Variants in DIP2B observed in about 807,000 individuals in gnomAD.
DIP2B encodes DIP2 acetate--CoA ligase B (putative).
Under a neutral mutation model 198.0 loss-of-function variants are expected in DIP2B, and 76 were observed. That is an observed-to-expected ratio of 0.38 (90% CI 0.32 to 0.46). DIP2B has a LOEUF of 0.46. DIP2B is among the 20% of genes least tolerant of loss of function. DIP2B has a pLI of 0.99. For missense variants in DIP2B, 1,559 were observed against 1,978.4 expected (o/e 0.79, Z 4.02); for synonymous variants, 701 against 739.1 (o/e 0.95, Z 0.84).
chr12:50,693,028 T>A lies in DIP2B; in HGVS notation c.1719+15T>A, dbSNP rs1276681108. The A allele has an allele frequency of 1.2e-6, 2 of 1,607,004 alleles. No homozygotes were observed. The highest frequency in any genetic ancestry group is 3.5e-5 in the Admixed American group (2 of 57,662). ...GCATGTTTGCGGTAAGCTACTCAGA[T>A]TTAAGGCCCTTAGTGTAAATTGTGC... On this transcript the variant is annotated intron_variant, in intron 14 of 37. Transcript: ENST00000301180.
chr12:50,523,191 T>G (rs772646109), intron 1 of DIP2B, among the ~76,000 whole-genome samples: 24 of 152,216 alleles, frequency 1.6e-4, no homozygotes, highest in Admixed American at 9.8e-4. Flanking sequence ...GGTGCTCAAG[T>G]CTGCTAAAAA....
chr12:50,533,258 C>T (rs1394958888), intron 1 of DIP2B, among the ~76,000 whole-genome samples: 1 of 152,342 alleles, frequency 6.6e-6, no homozygotes, highest in East Asian at 1.9e-4. Context: ...ACATATTTCT[C>T]ATGACCTTTC....
At chr12:50,713,675 A>T (rs1351513078) in intron 22 of DIP2B, among the ~76,000 whole-genome samples, 1 of 152,234 alleles carries the variant, frequency 6.6e-6, no homozygotes, top group Non-Finnish European at 1.5e-5. Context: ...TGTTGTGTTC[A>T]TAATAAAAAT....
intron 5 of DIP2B, among the ~76,000 whole-genome samples, chr12:50,673,018 A>T (rs912330732): frequency 3.3e-5 from 5 of 152,170 alleles, no homozygotes; most frequent in Non-Finnish European, 5.9e-5. Context: ...TATTATAAAA[A>T]CTATTGGATT....
chr12:50,616,631 G>A (rs766722693), intron 1 of DIP2B, among the ~76,000 whole-genome samples: 4 of 152,170 alleles, frequency 2.6e-5, no homozygotes. Flanking sequence ...AACAGCAAGA[G>A]AAATAGGGGA....
intron 1 of DIP2B, among the ~76,000 whole-genome samples, chr12:50,576,694 G>A (rs1355563103): frequency 2.6e-5 from 4 of 151,716 alleles, no homozygotes; most frequent in Non-Finnish European, 5.9e-5. Context: ...TGTTAGCCAG[G>A]ATGGTCTCGA....
intron 3 of DIP2B, among the ~76,000 whole-genome samples, chr12:50,650,433 G>C (rs1938434232): frequency 6.6e-6 from 1 of 152,112 alleles, no homozygotes; most frequent in African/African-American, 2.4e-5. Context: ...TCTTCATCTT[G>C]TGTGACTGGA....
intron 22 of DIP2B, 102 bp downstream of exon 22, chr12:50,708,664 C>A: frequency 1.1e-6 from 1 of 882,402 alleles, no homozygotes. Context: ...TTACTTCTTG[C>A]CAATCATTGC....
rs761387071 is a variant in DIP2B, at chr12:50,728,621, T to C, written c.3584T>C (p.Ile1195Thr). ...LQCELYSSRQ[I>T]AICLDPYCGL... ...TGTGAGTTGTACTCTTCTCGGCAGA[T>C]CGCCATCTGCCTTGACCCTTACTGT... Residue 1195 changes from isoleucine (I) to threonine (T), a missense_variant, in exon 30 of 38, where the codon ATC (isoleucine) becomes ACC (threonine). Transcript: ENST00000301180. 6.2e-7 allele frequency: 1 copy of C among 1,614,172 alleles called. No homozygotes were observed. Among genetic ancestry groups the C allele is most frequent in the Non-Finnish European group, 8.5e-7 (1 of 1,180,036 alleles).
chr12:50,664,500 A>G (rs1366784418), intron 4 of DIP2B, among the ~76,000 whole-genome samples: 1 of 152,076 alleles, frequency 6.6e-6, no homozygotes, highest in Non-Finnish European at 1.5e-5. Context: ...TGCTGAAATC[A>G]TTTACTAATG....
At chr12:50,688,114 A>C (rs959441832) in intron 12 of DIP2B, among the ~76,000 whole-genome samples, 3 of 152,004 alleles carry the variant, frequency 2.0e-5, no homozygotes, top group African/African-American at 7.3e-5. Flanking sequence ...TGGGAGGTTG[A>C]GGCGGGAGGA....
At chr12:50,527,230 A>G (rs572176690) in intron 1 of DIP2B, among the ~76,000 whole-genome samples, 2 of 152,308 alleles carry the variant, frequency 1.3e-5, no homozygotes, top group Admixed American at 6.5e-5. Flanking sequence ...TGGTCAGTTT[A>G]TTCTAGTTTA....
At chr12:50,522,966 TAAA>T (rs1261673580) in intron 1 of DIP2B, among the ~76,000 whole-genome samples, 1 of 152,112 alleles carries the variant, frequency 6.6e-6, no homozygotes, top group Non-Finnish European at 1.5e-5. Flanking sequence ...ATAAAAGTGT[TAAA>T]AATTATAAAA....
At chr12:50,547,960 T>C (rs1172448654) in intron 1 of DIP2B, among the ~76,000 whole-genome samples, 2 of 152,120 alleles carry the variant, frequency 1.3e-5, no homozygotes, top group Non-Finnish European at 1.5e-5. Context: ...TTCTAGCTAC[T>C]TGGGAGGCTG....
intron 27 of DIP2B, 89 bp from the exon 28 acceptor site, chr12:50,724,686 C>CA: frequency 9.4e-7 from 1 of 1,059,274 alleles, no homozygotes; most frequent in Non-Finnish European, 1.5e-6. Flanking sequence ...CAGTGTGGTA[C>CA]ATGAGTGGCT....
intron 2 of DIP2B, chr12:50,633,257 A>G (rs960139596): frequency 6.6e-6 from 1 of 152,216 alleles, no homozygotes; most frequent in Admixed American, 6.5e-5. Flanking sequence ...AAAATATTTG[A>G]ATAGTAAGTA....
At chr12:50,507,814 G>A (rs1957980967) in intron 1 of DIP2B, among the ~76,000 whole-genome samples, 1 of 152,170 alleles carries the variant, frequency 6.6e-6, no homozygotes, top group South Asian at 2.1e-4. Context: ...AGGATTACAG[G>A]CGTGAGCCAC....
intron 1 of DIP2B, among the ~76,000 whole-genome samples, chr12:50,590,649 G>A (rs1958811294): frequency 6.6e-6 from 1 of 152,186 alleles, no homozygotes. Flanking sequence ...AATTACAGCT[G>A]AGAGCCACCA....
chr12:50,609,169 A>G (rs1029355933), intron 1 of DIP2B, among the ~76,000 whole-genome samples: 1 of 152,198 alleles, frequency 6.6e-6, no homozygotes, highest in African/African-American at 2.4e-5. Flanking sequence ...CAAGAGGATT[A>G]ACAATGAAAA....
Sources: gnomAD v4.1 joint callset for allele counts (sites outside exome capture counted in the v4.1 genomes callset) on GRCh38, gnomAD v4.1.1 for gene constraint, MANE v1.5 for transcripts, NCBI Gene and HGNC (gene_info 2026-07-23, HGNC 2026-07-21) for gene names.